RAPGEF4: variants seen among roughly 807,000 people sequenced by gnomAD.
The protein encoded by RAPGEF4 is Rap guanine nucleotide exchange factor 4, also known as RAP guanine-nucleotide-exchange factor (GEF) 4.
RAPGEF4 carries 66 observed loss-of-function variants against 147.9 expected under a neutral mutation model. The observed-to-expected ratio is 0.45, with a 90% CI of 0.37 to 0.55. The LOEUF (loss-of-function observed/expected upper bound fraction) is 0.55, where lower values mean the gene tolerates loss of function less well. Ranked by LOEUF, RAPGEF4 falls within the 20% of genes least tolerant of loss-of-function variation. The probability of loss-of-function intolerance (pLI) is 0.00; values close to 1 mark genes in which losing one functional copy is unlikely to be tolerated. For missense variants in RAPGEF4, 1,071 were observed against 1,257.3 expected, an observed-to-expected ratio of 0.85 and a Z score of 2.24; for synonymous variants, 419 against 442.7, an observed-to-expected ratio of 0.95 and a Z score of 0.67.
Position 173,051,882 on chromosome 2 carries a change from C to A in RAPGEF4, c.*115C>A. On this transcript the variant is annotated 3_prime_UTR_variant, in exon 31 of 31. Transcript: ENST00000397081. Reference sequence around the variant, plus strand: ...GAGAATTCTACAAAACAAGCAAAAACACATCCTGAGACACCTCAGGGCTGC... The same window carrying A: ...GAGAATTCTACAAAACAAGCAAAAAAACATCCTGAGACACCTCAGGGCTGC... The A allele has an allele frequency of 1.5e-6, 2 of 1,301,164 alleles. No homozygotes were observed. Among genetic ancestry groups the A allele is most frequent in the Non-Finnish European group, 2.1e-6 (2 of 932,936 alleles). 80.6% of individuals were successfully genotyped at this position (1,301,164 alleles called of 1,614,324 possible). A position where few individuals can be genotyped will look rare whatever the true frequency, so the allele number is the denominator to read the frequency against.
At chr2:172,976,302 A>C (rs1251940032) in intron 10 of RAPGEF4, among the ~76,000 whole-genome samples, 1 of 152,194 alleles carries the variant, frequency 6.6e-6, no homozygotes, top group Non-Finnish European at 1.5e-5. Context: ...TCTGACACTT[A>C]AGAAGCAGGG....
chr2:173,039,659 C>A (rs1684505926), intron 29 of RAPGEF4, among the ~76,000 whole-genome samples: 1 of 152,142 alleles, frequency 6.6e-6, no homozygotes, highest in African/African-American at 2.4e-5. Context: ...GAAGAAGTTA[C>A]ACTCACCACT....
In RAPGEF4 at chr2:172,844,859, A is replaced by G. The variant is rs74688640; in HGVS notation, c.444+30434A>G. ...GTTTAATGTCATCTACGATGTGGAA[A>G]ATATTTTATAGCTGATAATCCTAAC... On this transcript the variant is annotated intron_variant, in intron 4 of 30. Transcript: ENST00000397081. Among the ~76,000 whole-genome samples, 397 of 152,356 alleles carry G rather than the reference A, an allele frequency of 2.6e-3. 8 individuals carry two copies. The East Asian group carries it at 0.047, about 18-fold the overall frequency.
chr2:172,915,558 G>A (rs1003140784), intron 4 of RAPGEF4, among the ~76,000 whole-genome samples: 29 of 152,048 alleles, frequency 1.9e-4, no homozygotes, highest in African/African-American at 6.8e-4. Context: ...AATTAGCCAG[G>A]CATGGTGGTG....
chr2:172,759,357 G>C (rs1040229054), intron 1 of RAPGEF4, among the ~76,000 whole-genome samples: 1 of 152,190 alleles, frequency 6.6e-6, no homozygotes, highest in African/African-American at 2.4e-5. Flanking sequence ...GAGAATGCAG[G>C]TAAGTGGGAA....
intron 4 of RAPGEF4, among the ~76,000 whole-genome samples, chr2:172,822,789 T>A (rs936874051): frequency 6.6e-6 from 1 of 152,166 alleles, no homozygotes; most frequent in African/African-American, 2.4e-5. Context: ...CCCCACTCTC[T>A]CCCCTGCACT....
chr2:172,770,408 T>C (rs1697241222), intron 1 of RAPGEF4, among the ~76,000 whole-genome samples: 1 of 152,188 alleles, frequency 6.6e-6, no homozygotes, highest in South Asian at 2.1e-4. Context: ...AGCAGGGTGA[T>C]AATATAATAC....
At chr2:172,942,388 A>T (rs181609748) in intron 6 of RAPGEF4, among the ~76,000 whole-genome samples, 3 of 151,860 alleles carry the variant, frequency 2.0e-5, no homozygotes, top group African/African-American at 7.2e-5. Flanking sequence ...GACCATGTTC[A>T]TATTTTGCTA....
At chr2:172,970,565 A>T (rs1412482705) in intron 10 of RAPGEF4, among the ~76,000 whole-genome samples, 2 of 152,168 alleles carry the variant, frequency 1.3e-5, no homozygotes, top group East Asian at 3.8e-4. Context: ...TTACTTTGAG[A>T]ATTTGATTGT....
chr2:173,012,150 G>A (rs1695089045), intron 17 of RAPGEF4, among the ~76,000 whole-genome samples: 1 of 152,206 alleles, frequency 6.6e-6, no homozygotes, highest in Admixed American at 6.5e-5. Flanking sequence ...CCATCAGAAA[G>A]GTTGTCTTTC....
chr2:172,772,253 A>G (rs1236128122), intron 1 of RAPGEF4, among the ~76,000 whole-genome samples: 1 of 152,144 alleles, frequency 6.6e-6, no homozygotes, highest in East Asian at 1.9e-4. Flanking sequence ...TAATTTTTGA[A>G]CTCAGAGAAT....
Position 172,972,413 on chromosome 2 carries a change from T to C in RAPGEF4, c.1004+4969T>C, listed in dbSNP as rs368108127. Among the ~76,000 whole-genome samples, 10 of 152,186 alleles carry C rather than the reference T, an allele frequency of 6.6e-5. No homozygotes were observed. In the East Asian group the frequency reaches 1.3e-3, roughly 20 times the overall value. ...TCTGCTGGGATGTGTCAAGAGAATGTCCACAGTTACGAAGTTCATCTCAAA... is the reference window on the plus strand; with the variant it reads ...TCTGCTGGGATGTGTCAAGAGAATGCCCACAGTTACGAAGTTCATCTCAAA... On this transcript the variant is annotated intron_variant, in intron 10 of 30. Coordinates refer to ENST00000397081, the MANE Select transcript of RAPGEF4 (RefSeq NM_007023.4).
intron 25 of RAPGEF4, 74 bp downstream of exon 25, chr2:173,027,333 C>A: frequency 1.6e-6 from 2 of 1,285,648 alleles, no homozygotes; most frequent in East Asian, 2.5e-5. Flanking sequence ...TAGACTACAC[C>A]TTAAAAAGAA....
chr2:172,830,948 G>A (rs898540379), intron 4 of RAPGEF4, among the ~76,000 whole-genome samples: 1 of 152,106 alleles, frequency 6.6e-6, no homozygotes, highest in Non-Finnish European at 1.5e-5. Flanking sequence ...ACTGTTATGG[G>A]TTTCTCTGTA....
chr2:172,954,708 T>C (rs1370787179), intron 6 of RAPGEF4, among the ~76,000 whole-genome samples: 1 of 152,172 alleles, frequency 6.6e-6, no homozygotes, highest in Non-Finnish European at 1.5e-5. Context: ...AGTTATATTA[T>C]TCCAAAATGC....
chr2:172,817,049 A>G (rs1688578668), intron 4 of RAPGEF4, among the ~76,000 whole-genome samples: 1 of 152,352 alleles, frequency 6.6e-6, no homozygotes, highest in South Asian at 2.1e-4. Context: ...ACACAATTCT[A>G]AAGTACCTTC....
intron 6 of RAPGEF4, among the ~76,000 whole-genome samples, chr2:172,925,797 GAA>G (rs1491127350): frequency 3.5e-4 from 42 of 120,670 alleles, no homozygotes; most frequent in Admixed American, 7.9e-4. Context: ...GAGAGAGAGA[GAA>G]AGAAAGAAAG....
chr2:172,755,993 C>A (rs1181761735), intron 1 of RAPGEF4, among the ~76,000 whole-genome samples: 1 of 152,198 alleles, frequency 6.6e-6, no homozygotes, highest in Non-Finnish European at 1.5e-5. Context: ...CTCCAAGACT[C>A]CCTCTCGCCA....
chr2:173,009,539 GT>G (rs919426525), intron 17 of RAPGEF4, among the ~76,000 whole-genome samples: 6 of 151,984 alleles, frequency 3.9e-5, no homozygotes, highest in Admixed American at 3.3e-4. Flanking sequence ...AAAATTCGAA[GT>G]TTTTTTAGCT....
Sources: gnomAD v4.1 joint callset for allele counts (sites outside exome capture counted in the v4.1 genomes callset) on GRCh38, gnomAD v4.1.1 for gene constraint, MANE v1.5 for transcripts, NCBI Gene and HGNC (gene_info 2026-07-23, HGNC 2026-07-21) for gene names.